DEUP1: variants seen among roughly 807,000 people sequenced by gnomAD.
The protein encoded by DEUP1 is deuterosome assembly protein 1, also known as coiled-coil domain containing 67.
A neutral mutation model predicts 87.4 loss-of-function variants in DEUP1; 82 were observed. The ratio of observed to expected loss-of-function variants is 0.94; its 90% confidence interval spans 0.78 to 1.13. The LOEUF (loss-of-function observed/expected upper bound fraction) is 1.13. DEUP1 is among the 50% of genes most tolerant of loss of function. DEUP1 has a pLI of 0.00. For synonymous variants in DEUP1, 214 were observed against 222.7 expected, an observed-to-expected ratio of 0.96 and a Z score of 0.35; for missense variants, 663 against 681.5, an observed-to-expected ratio of 0.97 and a Z score of 0.30.
chr11:93,380,589 G>C (rs1946261067), intron 7 of DEUP1, among the ~76,000 whole-genome samples: 1 of 151,770 alleles, frequency 6.6e-6, no homozygotes, highest in Non-Finnish European at 1.5e-5. Flanking sequence ...ATTTTTAGTA[G>C]AGACGGGGTT....
chr11:93,435,932 C>A (rs1296832215), intron 13 of DEUP1, among the ~76,000 whole-genome samples: 1 of 150,578 alleles, frequency 6.6e-6, no homozygotes, highest in Non-Finnish European at 1.5e-5. Context: ...GGAGGTGGAG[C>A]TTGCAGTGAG....
intron 13 of DEUP1, among the ~76,000 whole-genome samples, chr11:93,418,310 A>G (rs1947721221): frequency 1.3e-5 from 2 of 152,160 alleles, no homozygotes; most frequent in Admixed American, 1.3e-4. Flanking sequence ...TCCAGAATCT[A>G]CAATCAACTC....
At chr11:93,404,617 A>C (rs1947214938) in intron 11 of DEUP1, among the ~76,000 whole-genome samples, 1 of 152,038 alleles carries the variant, frequency 6.6e-6, no homozygotes, top group Admixed American at 6.6e-5. Context: ...AAGAAGAAAA[A>C]CCATACATGC....
At chr11:93,384,978 C>T (rs11020297) in intron 7 of DEUP1, among the ~76,000 whole-genome samples, 3,688 of 152,312 alleles carry the variant, frequency 0.024, 70 homozygotes, top group Non-Finnish European at 0.036. Flanking sequence ...AATCCCAGCA[C>T]TTTGGGAGGC....
At chr11:93,360,905 CAAAAAAA>C (rs35572726) in intron 4 of DEUP1, among the ~76,000 whole-genome samples, 1 of 82,410 alleles carries the variant, frequency 1.2e-5, no homozygotes, top group Non-Finnish European at 2.5e-5. Context: ...CAAAACTTAG[CAAAAAAA>C]AAAAAAAAAA....
intron 13 of DEUP1, among the ~76,000 whole-genome samples, chr11:93,430,143 C>T (rs1278637547): frequency 6.6e-6 from 1 of 152,188 alleles, no homozygotes. Context: ...TCTCCTGCCA[C>T]CCTCTGGCTA....
intron 3 of DEUP1, 55 bp from the exon 4 acceptor site, chr11:93,356,893 G>A: frequency 2.7e-6 from 3 of 1,110,766 alleles, no homozygotes; most frequent in Non-Finnish European, 4.0e-6. Context: ...CACATTTTCT[G>A]ATTTTGTCAG....
At chr11:93,376,919 G>T (rs1325063645) in intron 7 of DEUP1, among the ~76,000 whole-genome samples, 4 of 152,100 alleles carry the variant, frequency 2.6e-5, no homozygotes, top group African/African-American at 9.7e-5. Context: ...CCATGTATTT[G>T]CATGGTTTTA....
chr11:93,406,720 A>G (rs964109753), intron 11 of DEUP1, among the ~76,000 whole-genome samples: 3 of 152,094 alleles, frequency 2.0e-5, no homozygotes, highest in Non-Finnish European at 2.9e-5. Flanking sequence ...AAGAAACAGT[A>G]ACTTAGGATT....
intron 13 of DEUP1, among the ~76,000 whole-genome samples, chr11:93,437,159 C>G (rs752519879): frequency 2.0e-5 from 3 of 152,200 alleles, no homozygotes; most frequent in Non-Finnish European, 4.4e-5. Flanking sequence ...TATAAACTGT[C>G]TAGTGCAATT....
intron 2 of DEUP1, among the ~76,000 whole-genome samples, chr11:93,352,961 A>C (rs1203713914): frequency 6.6e-6 from 1 of 152,150 alleles, no homozygotes; most frequent in Non-Finnish European, 1.5e-5. Flanking sequence ...TCCAAATCTC[A>C]TATCCTCACA....
At position 93,373,667 on chromosome 11, in the gene DEUP1, C is replaced by T. The variant is rs531761752; in HGVS notation, c.789+2387C>T. ...TATATATATACGTATATATATGCCA[C>T]ATTTTCTTTATCCACTCATTGATTG... On this transcript the variant is annotated intron_variant, in intron 7 of 13. Transcript: ENST00000298050. 3.1e-3 allele frequency among the ~76,000 whole-genome samples: 436 copies of T among 142,416 alleles called. 3 individuals are homozygous for T. The highest frequency in any genetic ancestry group is 0.011 in the African/African-American group (396 of 36,664). 93.4% of individuals were successfully genotyped at this position (142,416 alleles called of 152,430 possible).
chr11:93,405,735 G>A (rs1442210163), intron 11 of DEUP1, among the ~76,000 whole-genome samples: 1 of 151,830 alleles, frequency 6.6e-6, no homozygotes, highest in Non-Finnish European at 1.5e-5. Flanking sequence ...AATTTTCAAT[G>A]TGCAATTAGT....
chr11:93,394,600 G>C lies in DEUP1; in HGVS notation c.1183G>C (p.Glu395Gln), dbSNP rs529757038. The change falls in exon 10 of 14, where the codon GAA becomes CAA. Residue 395 changes from glutamate to glutamine, a missense_variant. By Grantham distance (29) the Glu-to-Gln change is conservative. Coordinates refer to ENST00000298050, the MANE Select transcript of DEUP1 (RefSeq NM_181645.4). ...ATVTKKAALL[E>Q]KQLKMELEIK... ...TGTCACAAAGAAAGCTGCCCTTCTGGAAAAACAGTTAAAAATGGAATTAGA... is the reference window on the plus strand; with the variant it reads ...TGTCACAAAGAAAGCTGCCCTTCTGCAAAAACAGTTAAAAATGGAATTAGA... The C allele has an allele frequency of 2.2e-5, 35 of 1,612,260 alleles. No individual in the cohort carries two copies. In the South Asian group the frequency reaches 3.1e-4, roughly 14 times the overall value.
rs570102421 is a variant in DEUP1, at chr11:93,351,469, C to T, written c.30-3902C>T. Among the ~76,000 whole-genome samples, 5 of 152,238 alleles carry T rather than the reference C, an allele frequency of 3.3e-5. No homozygotes were observed. In the East Asian group the frequency reaches 9.7e-4, roughly 29 times the overall value. The stretch of plus-strand genomic sequence containing the variant: ...CTGATATAGTTATTTTTTCCTAGAG[C>T]TTACATTGACATAGTTCTTTTTCTT... On this transcript the variant is annotated intron_variant, in intron 2 of 13. Coordinates refer to ENST00000298050, the MANE Select transcript of DEUP1 (RefSeq NM_181645.4).
intron 2 of DEUP1, among the ~76,000 whole-genome samples, chr11:93,342,757 G>A (rs1186202060): frequency 6.6e-6 from 1 of 152,216 alleles, no homozygotes; most frequent in Non-Finnish European, 1.5e-5. Flanking sequence ...GAATCAATAA[G>A]GCTGACTCGG....
intron 9 of DEUP1, among the ~76,000 whole-genome samples, chr11:93,391,638 G>T (rs1946767932): frequency 6.6e-6 from 1 of 151,084 alleles, no homozygotes; most frequent in Non-Finnish European, 1.5e-5. Context: ...AACCCGGGAG[G>T]TGGAGGTTGC....
intron 9 of DEUP1, among the ~76,000 whole-genome samples, chr11:93,393,068 T>C (rs1373957035): frequency 1.5e-5 from 2 of 136,944 alleles, no homozygotes; most frequent in Non-Finnish European, 3.0e-5. Context: ...TCCTCCTCCT[T>C]CTTCTTCTCT....
chr11:93,408,806 C>T (rs937083924), intron 12 of DEUP1, among the ~76,000 whole-genome samples: 11 of 152,148 alleles, frequency 7.2e-5, no homozygotes, highest in Non-Finnish European at 1.2e-4. Flanking sequence ...TTTCACCTAC[C>T]TTCAATAATA....
Sources: allele counts gnomAD v4.1 joint callset (sites outside exome capture counted in the v4.1 genomes callset), GRCh38; gene constraint gnomAD v4.1.1; transcripts MANE v1.5; gene names NCBI Gene and HGNC (gene_info 2026-07-23, HGNC 2026-07-21).